The following APP variants were observed in gnomAD, a reference collection of about 807,000 sequenced individuals.
APP encodes the protein amyloid beta precursor protein.
APP carries 31 observed loss-of-function variants against 101.4 expected under a neutral mutation model. The observed-to-expected ratio is 0.31, with a 90% confidence interval of 0.23 to 0.41. The LOEUF (loss-of-function observed/expected upper bound fraction) is 0.41. Ranked by LOEUF, APP falls within the 10% of genes least tolerant of loss-of-function variation. The probability of loss-of-function intolerance (pLI) is 1.00; values close to 1 mark genes in which losing one functional copy is unlikely to be tolerated. For missense variants in APP, 839 were observed against 1,003.7 expected, an observed-to-expected ratio of 0.84 and a Z score of 2.22; for synonymous variants, 366 against 364.4, an observed-to-expected ratio of 1.00 and a Z score of -0.05.
rs150024967 is a variant in APP at position 26,021,133 on chromosome 21, C to T, written c.865+707G>A. ...TGTGATCTCAGCTCACTGCAACCTC[C>T]GCCTCCTGGGTTCAAGCAATTCTCC... On this transcript the variant is annotated intron_variant, in intron 6 of 17. Coordinates refer to ENST00000346798, the MANE Select transcript of APP (RefSeq NM_000484.4). 1.1e-4 allele frequency among the ~76,000 whole-genome samples: 16 copies of T among 151,200 alleles called. No homozygotes were observed. The East Asian group carries it at 2.5e-3, about 24-fold the overall frequency.
At chr21:26,116,651 G>A (rs2062441774) in intron 1 of APP, among the ~76,000 whole-genome samples, 1 of 152,210 alleles carries the variant, frequency 6.6e-6, no homozygotes, top group South Asian at 2.1e-4. Context: ...AGTGAACAAG[G>A]AGCTCTCTGT....
intron 8 of APP, among the ~76,000 whole-genome samples, chr21:25,985,060 A>G (rs1003382331): frequency 3.3e-5 from 5 of 152,222 alleles, no homozygotes; most frequent in Non-Finnish European, 5.9e-5. Context: ...CTGAATCACT[A>G]TAATCAGATT....
At chr21:25,938,928 C>T (rs1021777378) in intron 13 of APP, among the ~76,000 whole-genome samples, 1 of 152,184 alleles carries the variant, frequency 6.6e-6, no homozygotes, top group Non-Finnish European at 1.5e-5. Context: ...CGACAGTAAA[C>T]ACCCAGACTC....
intron 6 of APP, among the ~76,000 whole-genome samples, chr21:26,008,844 CA>C (rs1201589300): frequency 1.3e-5 from 2 of 152,138 alleles, no homozygotes; most frequent in African/African-American, 4.8e-5. Context: ...ATACCAAGAA[CA>C]ATAACACCAA....
At chr21:26,040,622 A>T (rs1469548562) in intron 5 of APP, among the ~76,000 whole-genome samples, 2 of 143,290 alleles carry the variant, frequency 1.4e-5, no homozygotes, top group East Asian at 3.9e-4. Context: ...AAAAAAAAAA[A>T]GCTGAGTGTG....
chr21:25,913,422 TA>T (rs1200100521), intron 13 of APP, among the ~76,000 whole-genome samples: 1 of 152,206 alleles, frequency 6.6e-6, no homozygotes, highest in Non-Finnish European at 1.5e-5. Context: ...AGACCCTCAT[TA>T]GATTTCCTCC....
intron 14 of APP, among the ~76,000 whole-genome samples, chr21:25,907,681 G>A (rs1428936454): frequency 6.6e-6 from 1 of 152,174 alleles, no homozygotes; most frequent in Non-Finnish European, 1.5e-5. Flanking sequence ...GGATTTTTGA[G>A]TCTGTTACTT....
intron 13 of APP, among the ~76,000 whole-genome samples, chr21:25,924,987 G>A (rs114477839): frequency 0.013 from 1,907 of 152,120 alleles, 42 homozygotes; most frequent in African/African-American, 0.044. Flanking sequence ...CAGGAGATTC[G>A]CATATGACCA....
intron 13 of APP, among the ~76,000 whole-genome samples, chr21:25,920,696 C>T (rs990491614): frequency 1.1e-4 from 16 of 151,630 alleles, no homozygotes; most frequent in Non-Finnish European, 1.9e-4. Context: ...AACATATATG[C>T]ACCCAATACA....
chr21:26,076,397 A>C (rs993438034), intron 3 of APP, among the ~76,000 whole-genome samples: 2 of 152,198 alleles, frequency 1.3e-5, no homozygotes, highest in African/African-American at 4.8e-5. Flanking sequence ...GGAAGTTTCC[A>C]ACAGATTTGT....
chr21:26,102,245 C>T (rs1045923234), intron 2 of APP, among the ~76,000 whole-genome samples: 11 of 151,956 alleles, frequency 7.2e-5, no homozygotes, highest in African/African-American at 2.4e-4. Flanking sequence ...CCCACCACCA[C>T]GCCCGGCAAA....
At chr21:26,066,437 ACCCTGCACAC>A (rs1307377602) in intron 3 of APP, among the ~76,000 whole-genome samples, 2 of 151,286 alleles carry the variant, frequency 1.3e-5, no homozygotes, top group Non-Finnish European at 2.9e-5. Flanking sequence ...CTAAACTAAA[ACCCTGCACAC>A]CATTAAACAA....
intron 13 of APP, chr21:25,934,230 T>TGGC (rs2040267668): frequency 6.6e-6 from 1 of 152,180 alleles, no homozygotes; most frequent in Admixed American, 6.5e-5. Flanking sequence ...AGAGGCAGTG[T>TGGC]GGCCCTGGCA....
chr21:26,111,341 C>G (rs564910550), intron 2 of APP, among the ~76,000 whole-genome samples: 1 of 152,070 alleles, frequency 6.6e-6, no homozygotes, highest in Admixed American at 6.5e-5. Context: ...TACAAATGAA[C>G]TAAAATATGT....
chr21:26,024,110 A>C (rs949081076), intron 5 of APP, among the ~76,000 whole-genome samples: 5 of 152,178 alleles, frequency 3.3e-5, no homozygotes, highest in African/African-American at 1.2e-4. Context: ...TGAATATCTA[A>C]TAGTAAAAGC....
intron 16 of APP, among the ~76,000 whole-genome samples, chr21:25,897,071 T>G (rs1306214953): frequency 2.0e-5 from 3 of 152,014 alleles, no homozygotes; most frequent in Non-Finnish European, 4.4e-5. Flanking sequence ...AAGTCCCGAG[T>G]CATGCACGAA....
chr21:26,007,596 T>A (rs1417310289), intron 6 of APP, among the ~76,000 whole-genome samples: 1 of 151,662 alleles, frequency 6.6e-6, no homozygotes. Flanking sequence ...GTTATTGCTG[T>A]AATTCTAAGT....
At chr21:26,115,781 GCA>G (rs1409860991) in intron 1 of APP, among the ~76,000 whole-genome samples, 2 of 151,956 alleles carry the variant, frequency 1.3e-5, no homozygotes, top group African/African-American at 4.8e-5. Context: ...CAGTAAAAAA[GCA>G]CAGTCTTACA....
chr21:25,933,743 A>T (rs138965549), intron 13 of APP: 1 of 152,302 alleles, frequency 6.6e-6, no homozygotes, highest in East Asian at 1.9e-4. Context: ...ATCAGCCTCA[A>T]GCAAATGCAA....
Sources: gnomAD v4.1 joint callset for allele counts (sites outside exome capture counted in the v4.1 genomes callset) on GRCh38, gnomAD v4.1.1 for gene constraint, MANE v1.5 for transcripts, NCBI Gene and HGNC (gene_info 2026-07-23, HGNC 2026-07-21) for gene names.